The following FGF14 variants were observed in gnomAD, a reference collection of about 807,000 sequenced individuals.
The protein encoded by FGF14 is fibroblast growth factor 14.
FGF14 carries 5 observed loss-of-function variants against 25.5 expected under a neutral mutation model. That is an observed-to-expected ratio of 0.20 (90% CI 0.10 to 0.41). FGF14 has a LOEUF of 0.41. Among genes scored for constraint, FGF14 ranks in the 10% least tolerant of loss-of-function variants. The pLI is 1.00. For missense variants in FGF14, 222 were observed against 320.1 expected (o/e 0.69, Z 2.34); for synonymous variants, 138 against 118.3 (o/e 1.17, Z -1.08).
intron 1 of FGF14, among the ~76,000 whole-genome samples, chr13:102,249,302 G>A (rs1375515820): frequency 6.6e-6 from 1 of 152,192 alleles, no homozygotes; most frequent in Non-Finnish European, 1.5e-5. Context: ...AACTTGGATA[G>A]CAAAATGTTG....
chr13:102,062,725 C>T (rs1265979748), intron 1 of FGF14, among the ~76,000 whole-genome samples: 1 of 152,134 alleles, frequency 6.6e-6, no homozygotes, highest in African/African-American at 2.4e-5. Flanking sequence ...CCAACTTACA[C>T]AATCTGTTCC....
rs529020042 is a variant in FGF14, at chr13:102,305,567, T to C, written c.208+95904A>G. Among the ~76,000 whole-genome samples, 5 of 152,328 alleles carry C rather than the reference T, an allele frequency of 3.3e-5. No individual in the cohort carries two copies. The South Asian group carries it at 6.2e-4, about 19-fold the overall frequency. On this transcript the variant is annotated intron_variant, in intron 1 of 4. Transcript: ENST00000376131. ...GTTTGGTGTTAATATCAGAATAGCATTGTAATTACATCAGTATTTTACTTC... is the reference window on the plus strand; with the variant it reads ...GTTTGGTGTTAATATCAGAATAGCACTGTAATTACATCAGTATTTTACTTC...
chr13:102,341,468 A>G (rs1443769811), intron 1 of FGF14, among the ~76,000 whole-genome samples: 2 of 152,180 alleles, frequency 1.3e-5, no homozygotes, highest in Non-Finnish European at 1.5e-5. Flanking sequence ...GGCTTTGAAG[A>G]ATACAAAAAA....
intron 1 of FGF14, among the ~76,000 whole-genome samples, chr13:102,397,221 G>GCCC (rs2058605578): frequency 6.6e-6 from 1 of 152,074 alleles, no homozygotes; most frequent in Non-Finnish European, 1.5e-5. Context: ...TGTAAAGCAA[G>GCCC]TAGCTTTTTA....
chr13:101,812,639 ATATATATATATATATTTTTTTTTTTTTT>A (rs1205229308), intron 3 of FGF14, among the ~76,000 whole-genome samples: 1 of 11,366 alleles, frequency 8.8e-5, no homozygotes, highest in African/African-American at 2.6e-4. Flanking sequence ...ATATATATAT[ATATATATATATATATTTTTTTTTTTTTT>A]TTTTTTTTTT....
chr13:101,786,864 T>C (rs1594243710), intron 3 of FGF14, among the ~76,000 whole-genome samples: 1 of 152,164 alleles, frequency 6.6e-6, no homozygotes, highest in Non-Finnish European at 1.5e-5. Flanking sequence ...CTGGTGGAAG[T>C]TGGATGGTGT....
chr13:101,859,603 T>C (rs146187105), intron 3 of FGF14, among the ~76,000 whole-genome samples: 52 of 152,256 alleles, frequency 3.4e-4, no homozygotes, highest in African/African-American at 1.3e-3. Flanking sequence ...TTGAGTTGAA[T>C]GGTTTTCCAC....
intron 1 of FGF14, among the ~76,000 whole-genome samples, chr13:101,984,232 G>A (rs1276504489): frequency 6.6e-6 from 1 of 152,054 alleles, no homozygotes; most frequent in African/African-American, 2.4e-5. Context: ...TTGGCATTGT[G>A]ATGCTTTTTC....
At chr13:101,819,895 G>A (rs761543166) in intron 3 of FGF14, among the ~76,000 whole-genome samples, 2 of 152,114 alleles carry the variant, frequency 1.3e-5, no homozygotes, top group Admixed American at 6.5e-5. Context: ...TGGATGCGAC[G>A]GAAAGATATT....
intron 4 of FGF14, among the ~76,000 whole-genome samples, chr13:101,725,871 A>C (rs577470395): frequency 6.6e-6 from 1 of 152,188 alleles, no homozygotes; most frequent in African/African-American, 2.4e-5. Flanking sequence ...CAGAATCATT[A>C]ATGAGAGAGG....
At chr13:102,141,674 C>T (rs2046648500) in intron 1 of FGF14, among the ~76,000 whole-genome samples, 1 of 152,088 alleles carries the variant, frequency 6.6e-6, no homozygotes, top group East Asian at 1.9e-4. Context: ...ACATATTAAG[C>T]TCAATTACAT....
chr13:102,013,275 T>C (rs1214585444), intron 1 of FGF14, among the ~76,000 whole-genome samples: 3 of 152,144 alleles, frequency 2.0e-5, no homozygotes, highest in Admixed American at 2.0e-4. Context: ...GCCTTCTACA[T>C]GTAGTATTTC....
intron 1 of FGF14, among the ~76,000 whole-genome samples, chr13:102,129,013 G>A (rs2046069737): frequency 6.6e-6 from 1 of 152,162 alleles, no homozygotes; most frequent in Non-Finnish European, 1.5e-5. Flanking sequence ...AACCAGGGAG[G>A]TGGAAGTTGC....
chr13:102,113,962 T>G (rs1425024405), intron 1 of FGF14, among the ~76,000 whole-genome samples: 2 of 152,232 alleles, frequency 1.3e-5, no homozygotes, highest in East Asian at 3.8e-4. Context: ...TGGAGACGGC[T>G]GATTTTACCT....
At chr13:102,305,343 A>C (rs2055316213) in intron 1 of FGF14, among the ~76,000 whole-genome samples, 1 of 152,166 alleles carries the variant, frequency 6.6e-6, no homozygotes, top group Non-Finnish European at 1.5e-5. Context: ...TGAACTTTAA[A>C]AAAAAATTAA....
chr13:102,152,449 C>G (rs528391395), intron 1 of FGF14, among the ~76,000 whole-genome samples: 63 of 152,330 alleles, frequency 4.1e-4, no homozygotes, highest in African/African-American at 1.0e-3. Flanking sequence ...GGTCTTCCCT[C>G]TGTGTGTGTC....
chr13:101,918,684 C>T (rs771661586), upstream of FGF14, among the ~76,000 whole-genome samples: 2 of 152,234 alleles, frequency 1.3e-5, no homozygotes, highest in African/African-American at 2.4e-5. Context: ...TCCATGGAAG[C>T]AGCCACTGCT....
chr13:101,941,251 C>T (rs1303886414), intron 1 of FGF14, among the ~76,000 whole-genome samples: 6 of 152,196 alleles, frequency 3.9e-5, no homozygotes, highest in Non-Finnish European at 5.9e-5. Context: ...GCACAGCCTT[C>T]ATGTGTAGTG....
chr13:101,822,344 T>C (rs2042193783), intron 3 of FGF14, among the ~76,000 whole-genome samples: 1 of 152,138 alleles, frequency 6.6e-6, no homozygotes, highest in African/African-American at 2.4e-5. Context: ...TATTAAATTT[T>C]CCTATACTTG....
Sources: gnomAD v4.1 joint callset for allele counts (sites outside exome capture counted in the v4.1 genomes callset) on GRCh38, gnomAD v4.1.1 for gene constraint, MANE v1.5 for transcripts, NCBI Gene and HGNC (gene_info 2026-07-23, HGNC 2026-07-21) for gene names.